IL4R: variants seen among roughly 807,000 people sequenced by gnomAD.
IL4R encodes the protein interleukin-4 receptor subunit alpha.
In IL4R, 17 loss-of-function variants were observed where a neutral mutation model predicts 41.5. The ratio of observed to expected loss-of-function variants is 0.41; its 90% CI spans 0.28 to 0.61. IL4R has a LOEUF of 0.61. IL4R is among the 20% of genes least tolerant of loss of function. IL4R has a pLI of 0.31. For missense variants in IL4R, 974 were observed against 1,043.1 expected, an observed-to-expected ratio of 0.93 and a Z score of 0.91; for synonymous variants, 402 against 422.9, an observed-to-expected ratio of 0.95 and a Z score of 0.61.
At position 27,352,646 on chromosome 16, in the gene IL4R, G is replaced by C. The variant is rs2085918502; in HGVS notation, c.620G>C (p.Cys207Ser). The stretch of plus-strand genomic sequence containing the variant: ...GCACGGGTGAGGGCCTGGGCTCAGT[G>C]CTATAACACCACCTGGAGTGAGTGG... Reference protein sequence around the residue: ...YRARVRAWAQCYNTTWSEWSP... With the variant: ...YRARVRAWAQSYNTTWSEWSP... The change falls in exon 7 of 11, where the codon TGC (cysteine) becomes TCC (serine). Residue 207 changes from cysteine (C) to serine (S), a missense_variant. Around this residue, in one of 3 missense-constraint regions of IL4R, gnomAD observed 284 missense variants for 313.4 expected, o/e 0.91. Coordinates refer to ENST00000395762, the MANE Select transcript of IL4R (RefSeq NM_000418.4). The C allele has an allele frequency of 7.4e-6, 12 of 1,614,076 alleles. No individual in the cohort carries two copies. The highest frequency in any genetic ancestry group is 1.0e-5 in the Non-Finnish European group (12 of 1,180,030).
intron 6 of IL4R, among the ~76,000 whole-genome samples, chr16:27,351,595 A>G (rs1031099360): frequency 2.7e-5 from 4 of 149,570 alleles, no homozygotes; most frequent in African/African-American, 4.9e-5. Context: ...GCTTACCACA[A>G]TCTCTGCCTC....
intron 1 of IL4R, among the ~76,000 whole-genome samples, chr16:27,325,271 C>T (rs973331839): frequency 6.6e-6 from 1 of 152,050 alleles, no homozygotes; most frequent in African/African-American, 2.4e-5. Context: ...CCCGCCCTCT[C>T]ATAAGAACCT....
In IL4R at chr16:27,317,812, A is replaced by G. The variant is rs376440702; in HGVS notation, c.-152+3792A>G. Among the ~76,000 whole-genome samples the G allele has an allele frequency of 1.8e-3, 281 of 152,322 alleles. 11 individuals carry two copies. The South Asian group carries it at 0.051, about 27-fold the overall frequency. ...TGTCATGGGTGTTTGCAGGGAGAGC[A>G]TTCATGAGATAGTTTGTATAGACAT... On this transcript the variant is annotated intron_variant, in intron 1 of 10. Coordinates refer to ENST00000395762, the MANE Select transcript of IL4R (RefSeq NM_000418.4).
In IL4R at chr16:27,345,267, T is replaced by G. The variant is rs1284821869; in HGVS notation, c.361+247T>G. 6 of 650,926 alleles carry G rather than the reference T, an allele frequency of 9.2e-6. No homozygotes were observed. Among genetic ancestry groups the G allele is most frequent in the Non-Finnish European group, 1.4e-5 (5 of 353,394 alleles). 40.3% of individuals were successfully genotyped at this position (650,926 alleles called of 1,614,324 possible). ...AGCTGTTTCCACCCCTGAACTTAAG[T>G]GCCCAGGAAGGCGTATTGAGATGAG... On this transcript the variant is annotated intron_variant, in intron 5 of 10. Coordinates refer to ENST00000395762, the MANE Select transcript of IL4R (RefSeq NM_000418.4). This position sits in a 1 kb window ranked among gnomAD's most constrained non-coding sequence, Gnocchi z 4.5.
chr16:27,314,405 G>A (rs1371839832), intron 1 of IL4R, among the ~76,000 whole-genome samples: 2 of 152,262 alleles, frequency 1.3e-5, no homozygotes, highest in Non-Finnish European at 2.9e-5. Context: ...TTCGGAGAGA[G>A]AAAGGGTGGG....
intron 2 of IL4R, among the ~76,000 whole-genome samples, chr16:27,333,310 C>G (rs958865471): frequency 6.6e-6 from 1 of 151,688 alleles, no homozygotes; most frequent in African/African-American, 2.4e-5. Context: ...CCTACACTTG[C>G]GGAACTGTTG....
Position 27,363,489 on chromosome 16 carries a change from T to C in IL4R, c.2137T>C (p.Tyr713His). Residue 713 changes from tyrosine (Y) to histidine (H), a missense_variant, in exon 11 of 11, where the codon TAC (tyrosine) becomes CAC (histidine). Coordinates refer to ENST00000395762, the MANE Select transcript of IL4R (RefSeq NM_000418.4). The part of the protein sequence containing the change: ...LVDSLGSGIV[Y>H]SALTCHLCGH... ...GGACAGCCTGGGCAGTGGCATTGTC[T>C]ACTCAGCCCTTACCTGCCACCTGTG... 1.9e-6 allele frequency: 3 copies of C among 1,614,124 alleles called. No individual in the cohort carries two copies. Among genetic ancestry groups the C allele is most frequent in the Non-Finnish European group, 2.5e-6 (3 of 1,179,990 alleles).
At chr16:27,328,751 A>G (rs1246696156) in intron 1 of IL4R, among the ~76,000 whole-genome samples, 1 of 152,108 alleles carries the variant, frequency 6.6e-6, no homozygotes, top group African/African-American at 2.4e-5. Flanking sequence ...GTTACCTATT[A>G]TACTCCCAAC....
rs1312189719 is a variant in IL4R at position 27,345,465 on chromosome 16, C to T, written c.361+445C>T. On this transcript the variant is annotated intron_variant, in intron 5 of 10. Transcript: ENST00000395762. This position sits in a 1 kb window ranked among gnomAD's most constrained non-coding sequence, Gnocchi z 4.5. Reference sequence around the variant, plus strand: ...AGGAATCCCCCTTGAGCTTGCTGGGCTGTGGTGACAGGAGTTTAAAACATG... The same window carrying T: ...AGGAATCCCCCTTGAGCTTGCTGGGTTGTGGTGACAGGAGTTTAAAACATG... The T allele has an allele frequency of 3.2e-6, 1 of 316,370 alleles. No individual in the cohort carries two copies. Among genetic ancestry groups the T allele is most frequent in the African/African-American group, 2.2e-5 (1 of 46,440 alleles). The allele number at this position is 316,370 out of a possible 1,614,324, so 19.6% of individuals were successfully genotyped here.
intron 2 of IL4R, among the ~76,000 whole-genome samples, chr16:27,332,904 TGTG>T (rs2085153794): frequency 6.6e-6 from 1 of 152,090 alleles, no homozygotes; most frequent in Non-Finnish European, 1.5e-5. Flanking sequence ...TAGTTTCTCT[TGTG>T]ATTTCTTCTT....
intron 1 of IL4R, among the ~76,000 whole-genome samples, chr16:27,317,548 G>A (rs1045477065): frequency 5.3e-5 from 8 of 152,292 alleles, no homozygotes; most frequent in Non-Finnish European, 8.8e-5. Flanking sequence ...ATGTGGATCG[G>A]AGCGCCCCGG....
intron 7 of IL4R, chr16:27,355,402 G>A (rs1259063579): frequency 3.6e-5 from 10 of 280,858 alleles, no homozygotes; most frequent in South Asian, 1.4e-4. Flanking sequence ...TGTCATCCTC[G>A]CAACAGCCCT....
rs377710774 is a variant in IL4R, at chr16:27,345,603, T to A, written c.361+583T>A. ...AAGTTTTAAAACAGATGAATCAAAATAAAGAAAAATACTCAGTAAATCATC... is the reference window on the plus strand; with the variant it reads ...AAGTTTTAAAACAGATGAATCAAAAAAAAGAAAAATACTCAGTAAATCATC... On this transcript the variant is annotated intron_variant, in intron 5 of 10. Transcript: ENST00000395762. This position sits in a 1 kb window ranked among gnomAD's most constrained non-coding sequence, Gnocchi z 4.5. 1.9e-3 allele frequency: 340 copies of A among 179,904 alleles called. 2 individuals are homozygous for A. Among genetic ancestry groups the A allele is most frequent in the African/African-American group, 7.6e-3 (323 of 42,486 alleles). The allele number at this position is 179,904 out of a possible 1,614,324, so 11.1% of individuals were successfully genotyped here. A position where few individuals can be genotyped will look rare whatever the true frequency, so the allele number is the denominator to read the frequency against.
intron 6 of IL4R, among the ~76,000 whole-genome samples, chr16:27,349,263 C>T (rs1329380881): frequency 6.6e-6 from 1 of 152,216 alleles, no homozygotes; most frequent in African/African-American, 2.4e-5. Flanking sequence ...AACCCGATGG[C>T]ATAAAAGCTG....
At chr16:27,322,740 C>G (rs1311966425) in intron 1 of IL4R, among the ~76,000 whole-genome samples, 1 of 152,262 alleles carries the variant, frequency 6.6e-6, no homozygotes, top group East Asian at 1.9e-4. Flanking sequence ...CATCCACCTT[C>G]TCTCTTCTAA....
intron 1 of IL4R, among the ~76,000 whole-genome samples, chr16:27,319,500 G>A (rs1428797005): frequency 1.3e-5 from 2 of 152,094 alleles, no homozygotes; most frequent in African/African-American, 2.4e-5. Flanking sequence ...CATTTAGATC[G>A]ATCCACTTTT....
chr16:27,325,464 C>T (rs970493148), intron 1 of IL4R, among the ~76,000 whole-genome samples: 9 of 151,950 alleles, frequency 5.9e-5, no homozygotes, highest in Admixed American at 1.3e-4. Context: ...GTCCCAGCTA[C>T]TCGGGAGACT....
intron 4 of IL4R, among the ~76,000 whole-genome samples, chr16:27,343,126 T>A (rs908542232): frequency 4.6e-5 from 7 of 152,116 alleles, no homozygotes; most frequent in Admixed American, 3.9e-4. Flanking sequence ...GATGCTTCGT[T>A]ACACTGGTGC....
chr16:27,354,237 G>T (rs2085976506), intron 7 of IL4R: 1 of 152,152 alleles, frequency 6.6e-6, no homozygotes, highest in Non-Finnish European at 1.5e-5. Flanking sequence ...GGACCTACTG[G>T]GTTTTGTACA....
Sources: gnomAD v4.1 joint callset for allele counts (sites outside exome capture counted in the v4.1 genomes callset) on GRCh38, gnomAD v4.1.1 for gene constraint, gnomAD v4.1.1 regional missense constraint, Gnocchi (gnomAD v3.1) non-coding constraint, MANE v1.5 for transcripts, NCBI Gene and HGNC (gene_info 2026-07-23, HGNC 2026-07-21) for gene names.